The following MTNAP1 variants were observed in gnomAD, a reference collection of about 807,000 sequenced individuals.
The protein encoded by MTNAP1 is mitochondrial nucleoid associated protein 1.
chr17:73,240,392 C>A, the MTNAP1 span, among the ~76,000 whole-genome samples: 1 of 152,054 alleles, frequency 6.6e-6, no homozygotes, highest in African/African-American at 2.4e-5. Flanking sequence ...ATGTTACCAC[C>A]AAATGAACAC....
the MTNAP1 span, chr17:73,236,917 C>T: frequency 1.2e-6 from 2 of 1,613,538 alleles, no homozygotes; most frequent in Non-Finnish European, 1.7e-6. Context: ...AGGGGTGTTG[C>T]CAGGGAAGCC....
chr17:73,248,607 G>A, the MTNAP1 span: 50 of 1,440,814 alleles, frequency 3.5e-5, no homozygotes, highest in Non-Finnish European at 4.5e-5. Context: ...CATCCATCCC[G>A]CAGAAGAGGC....
the MTNAP1 span, among the ~76,000 whole-genome samples, chr17:73,239,659 C>T: frequency 0.51 from 77,291 of 150,912 alleles, 19,808 homozygotes; most frequent in East Asian, 0.61. Flanking sequence ...GCTGGGATTA[C>T]AGGTGCCTGC....
the MTNAP1 span, chr17:73,242,215 A>G: frequency 1.4e-6 from 2 of 1,471,382 alleles, no homozygotes; most frequent in African/African-American, 1.4e-5. Flanking sequence ...TCGGTAAACA[A>G]TGACAGTGAC....
the MTNAP1 span, chr17:73,247,394 G>A: frequency 1.9e-6 from 3 of 1,569,384 alleles, no homozygotes; most frequent in Non-Finnish European, 1.8e-6. Context: ...GTGCCTTCGT[G>A]CCCTGTGTTG....
At chr17:73,245,408 G>A in the MTNAP1 span, 2 of 1,212,440 alleles carry the variant, frequency 1.6e-6, no homozygotes, top group African/African-American at 1.6e-5. Context: ...GATGTTCTTG[G>A]CTTGCTCTCA....
At chr17:73,233,552 G>C in the MTNAP1 span, among the ~76,000 whole-genome samples, 7 of 152,342 alleles carry the variant, frequency 4.6e-5, no homozygotes, top group African/African-American at 1.2e-4. Flanking sequence ...AAGAAAGAAA[G>C]AATGATGGCT....
chr17:73,242,430 A>G, the MTNAP1 span: 1 of 904,428 alleles, frequency 1.1e-6, no homozygotes, highest in Non-Finnish European at 1.7e-6. Flanking sequence ...CTGTTAAGCA[A>G]GGCTAAAGAG....
At chr17:73,245,347 T>C in the MTNAP1 span, 1 of 1,382,086 alleles carries the variant, frequency 7.2e-7, no homozygotes, top group Non-Finnish European at 9.4e-7. Context: ...TCTAAAATAA[T>C]GATACAGGAA....
the MTNAP1 span, chr17:73,236,991 A>T: frequency 6.5e-7 from 1 of 1,549,780 alleles, no homozygotes; most frequent in Admixed American, 2.0e-5. Flanking sequence ...AAAGACTCTC[A>T]CAAGGTAAAC....
chr17:73,237,050 C>T, the MTNAP1 span: 3 of 1,452,864 alleles, frequency 2.1e-6, no homozygotes, highest in Non-Finnish European at 2.7e-6. Flanking sequence ...CTCTCTCTGC[C>T]TTTTGAATTT....
the MTNAP1 span, chr17:73,236,035 C>G: frequency 1.8e-4 from 288 of 1,614,102 alleles, 3 homozygotes; most frequent in South Asian, 3.0e-3. Flanking sequence ...TTTGTCAAAT[C>G]AAGATAGAAA....
chr17:73,232,493 C>G, the MTNAP1 span: 1 of 549,570 alleles, frequency 1.8e-6, no homozygotes, highest in East Asian at 3.3e-5. Flanking sequence ...ACGGAGGGTA[C>G]GGTATAAAAG....
the MTNAP1 span, among the ~76,000 whole-genome samples, chr17:73,234,771 A>ATGTGTGTGTGTGTGTGTGTGTGTGTG: frequency 1.7e-5 from 1 of 59,160 alleles, no homozygotes; most frequent in Non-Finnish European, 4.4e-5. Context: ...TTTTATGTAT[A>ATGTGTGTGTGTGTGTGTGTGTGTGTG]TCTGTGTGTG....
At chr17:73,239,889 G>A in the MTNAP1 span, among the ~76,000 whole-genome samples, 1 of 152,164 alleles carries the variant, frequency 6.6e-6, no homozygotes, top group Non-Finnish European at 1.5e-5. Context: ...TTCAAACCCA[G>A]GTTCGTCTGA....
chr17:73,233,872 CAAAA>C, the MTNAP1 span, among the ~76,000 whole-genome samples: 1 of 146,970 alleles, frequency 6.8e-6, no homozygotes, highest in Non-Finnish European at 1.5e-5. Context: ...GACTCCATCT[CAAAA>C]AAAAAAAGAC....
chr17:73,234,963 C>G, the MTNAP1 span, among the ~76,000 whole-genome samples: 1 of 152,142 alleles, frequency 6.6e-6, no homozygotes, highest in Non-Finnish European at 1.5e-5. Flanking sequence ...CGCCTGTAAT[C>G]TCAGCACTTT....
chr17:73,243,077 ATT>A, the MTNAP1 span: 33,607 of 408,458 alleles, frequency 0.082, 1 homozygote, highest in South Asian at 0.095. Flanking sequence ...GATTCTCTGA[ATT>A]TTTTTTTTTT....
At chr17:73,235,905 C>T in the MTNAP1 span, 6,118 of 1,614,134 alleles carry the variant, frequency 3.8e-3, 149 homozygotes, top group African/African-American at 0.065. Flanking sequence ...CTCAGTTTTA[C>T]GCATCAGAGA....
Sources: gnomAD v4.1 joint callset for allele counts (sites outside exome capture counted in the v4.1 genomes callset) on GRCh38, gnomAD v4.1.1 for gene constraint, MANE v1.5 for transcripts, NCBI Gene and HGNC (gene_info 2026-07-23, HGNC 2026-07-21) for gene names.